SNX29: variants seen among roughly 807,000 people sequenced by gnomAD.
The protein encoded by SNX29 is sorting nexin 29.
In SNX29, 78 loss-of-function variants were observed where a neutral mutation model predicts 102.1. The observed-to-expected ratio is 0.76, with a 90% CI of 0.64 to 0.92. The LOEUF (loss-of-function observed/expected upper bound fraction) is 0.92, where lower values mean the gene tolerates loss of function less well. SNX29 is among the 40% of genes least tolerant of loss of function. The pLI is 0.00. For missense variants in SNX29, 1,280 were observed against 1,061.7 expected, an observed-to-expected ratio of 1.21 and a Z score of -2.86; for synonymous variants, 580 against 414.5, an observed-to-expected ratio of 1.40 and a Z score of -4.85.
At chr16:12,297,233 G>C (rs908435345) in intron 15 of SNX29, 1 of 152,540 alleles carries the variant, frequency 6.6e-6, no homozygotes, top group Admixed American at 6.5e-5. Flanking sequence ...CACACACGGG[G>C]CAGTGTGCGG....
intron 19 of SNX29, among the ~76,000 whole-genome samples, chr16:12,507,796 A>G (rs1434845421): frequency 6.6e-6 from 1 of 152,132 alleles, no homozygotes; most frequent in Non-Finnish European, 1.5e-5. Context: ...CCCCTTATCC[A>G]TGTGGTTTGC....
At chr16:12,535,230 C>G (rs375980283) in intron 20 of SNX29, among the ~76,000 whole-genome samples, 1 of 152,194 alleles carries the variant, frequency 6.6e-6, no homozygotes, top group Non-Finnish European at 1.5e-5. Context: ...CCTCTGCCTC[C>G]TGGGCTCAAG....
At chr16:12,110,758 C>T (rs1448132281) in intron 11 of SNX29, among the ~76,000 whole-genome samples, 2 of 152,158 alleles carry the variant, frequency 1.3e-5, no homozygotes, top group African/African-American at 4.8e-5. Flanking sequence ...GACCTGAGCC[C>T]TTTTAAGACA....
chr16:12,014,345 G>T (rs375014108), intron 3 of SNX29, among the ~76,000 whole-genome samples: 1 of 151,952 alleles, frequency 6.6e-6, no homozygotes, highest in East Asian at 1.9e-4. Flanking sequence ...TTCCTCATCC[G>T]CCAAGAGTAT....
At chr16:12,130,521 G>T (rs573786843) in intron 13 of SNX29, among the ~76,000 whole-genome samples, 1 of 144,514 alleles carries the variant, frequency 6.9e-6, no homozygotes, top group Admixed American at 6.9e-5. Context: ...AGCAAAAAAA[G>T]TGTGTATTTT....
In SNX29 at chr16:12,569,439, G is replaced by C. The variant is rs1170264990; in HGVS notation, c.*810G>C. 8.7e-6 allele frequency: 2 copies of C among 230,884 alleles called. No homozygotes were observed. The highest frequency in any genetic ancestry group is 4.4e-5 in the African/African-American group (2 of 45,214). 14.3% of individuals were successfully genotyped at this position (230,884 alleles called of 1,614,324 possible). ...GGCGTCATCCAGCGTGTCCAAAGTA[G>C]CATTGGCCCTACAGTCATGAGAGAC... On this transcript the variant is annotated 3_prime_UTR_variant, in exon 21 of 21. Coordinates refer to ENST00000566228, the MANE Select transcript of SNX29 (RefSeq NM_032167.5).
chr16:12,540,132 C>G lies in SNX29; in HGVS notation c.2318+15291C>G, dbSNP rs1428939740. On this transcript the variant is annotated intron_variant, in intron 20 of 20. Coordinates refer to ENST00000566228, the MANE Select transcript of SNX29 (RefSeq NM_032167.5). ...TAAAGATTTTCTCCTAGGTTTTCCT[C>G]AAAGTTTTATAGCTTTACATTTTAG... is the stretch of plus-strand genomic sequence containing the variant. Among the ~76,000 whole-genome samples the G allele has an allele frequency of 2.6e-5, 4 of 152,136 alleles. No individual in the cohort carries two copies. The East Asian group carries it at 7.7e-4, about 29-fold the overall frequency.
intron 1 of SNX29, among the ~76,000 whole-genome samples, chr16:11,987,403 CTT>C (rs34572926): frequency 0.02 from 2,106 of 107,242 alleles, 57 homozygotes; most frequent in African/African-American, 0.065. Flanking sequence ...GACTTTTACT[CTT>C]TTTTTTTTTT....
intron 20 of SNX29, among the ~76,000 whole-genome samples, chr16:12,563,380 TTACCCGTAACCATGAAAATAGA>T: frequency 6.6e-6 from 1 of 152,356 alleles, no homozygotes. Flanking sequence ...CGTTGATATT[TTACCCGTAACCATGAAAATAGA>T]TGGCGACTGG....
intron 3 of SNX29, among the ~76,000 whole-genome samples, chr16:12,008,013 G>A (rs2056515544): frequency 6.6e-6 from 1 of 151,828 alleles, no homozygotes; most frequent in Non-Finnish European, 1.5e-5. Flanking sequence ...GCGCTATCTC[G>A]GCTCCCTGCA....
At chr16:12,519,532 A>G in intron 19 of SNX29, among the ~76,000 whole-genome samples, 1 of 152,220 alleles carries the variant, frequency 6.6e-6, no homozygotes, top group East Asian at 1.9e-4. Context: ...TTTTTCAGAA[A>G]TACACACTGA....
chr16:12,263,692 T>TAC (rs2078845348), intron 14 of SNX29, among the ~76,000 whole-genome samples: 1 of 152,250 alleles, frequency 6.6e-6, no homozygotes, highest in Non-Finnish European at 1.5e-5. Flanking sequence ...TAAAGCCATG[T>TAC]TAAATGTACC....
chr16:12,460,991 C>T lies in SNX29; in HGVS notation c.2038-16728C>T, dbSNP rs2086755427. 5.3e-5 allele frequency among the ~76,000 whole-genome samples: 8 copies of T among 152,246 alleles called. No individual in the cohort carries two copies. In the Middle Eastern group the frequency reaches 0.014, roughly 259 times the overall value. On this transcript the variant is annotated intron_variant, in intron 18 of 20. Coordinates refer to ENST00000566228, the MANE Select transcript of SNX29 (RefSeq NM_032167.5). ...GCACATTGCTTTTGCTAATAATAGC[C>T]GACTTTTGTTAAATATTTAAATGTT...
intron 15 of SNX29, among the ~76,000 whole-genome samples, chr16:12,332,675 C>G (rs993818673): frequency 6.6e-6 from 1 of 152,100 alleles, no homozygotes; most frequent in Non-Finnish European, 1.5e-5. Flanking sequence ...CACCTGCATC[C>G]CAGCCCCTGG....
intron 20 of SNX29, among the ~76,000 whole-genome samples, chr16:12,541,712 A>T (rs895791411): frequency 6.6e-6 from 1 of 151,964 alleles, no homozygotes; most frequent in Non-Finnish European, 1.5e-5. Flanking sequence ...TGGGTTCCTG[A>T]TTCCTGTCAC....
chr16:12,247,417 G>A (rs1388624974), intron 14 of SNX29, among the ~76,000 whole-genome samples: 1 of 152,082 alleles, frequency 6.6e-6, no homozygotes, highest in Non-Finnish European at 1.5e-5. Flanking sequence ...ATCTCCTCCT[G>A]TTTTTCCCTC....
chr16:12,458,965 C>T (rs756567051), intron 18 of SNX29, among the ~76,000 whole-genome samples: 9 of 152,128 alleles, frequency 5.9e-5, no homozygotes, highest in Non-Finnish European at 1.2e-4. Context: ...ATAAGTAAAA[C>T]ATTCTGTTGT....
At chr16:12,419,785 C>T (rs996828720) in intron 18 of SNX29, among the ~76,000 whole-genome samples, 7 of 152,250 alleles carry the variant, frequency 4.6e-5, no homozygotes, top group Non-Finnish European at 8.8e-5. Context: ...CACGTGTCTG[C>T]TGACCCCAGT....
chr16:12,316,175 T>C (rs557144505), intron 15 of SNX29, among the ~76,000 whole-genome samples: 1 of 152,108 alleles, frequency 6.6e-6, no homozygotes, highest in South Asian at 2.1e-4. Flanking sequence ...GCTTGGCAGA[T>C]TGGAGGGACT....
Sources: gnomAD v4.1 joint callset for allele counts (sites outside exome capture counted in the v4.1 genomes callset) on GRCh38, gnomAD v4.1.1 for gene constraint, MANE v1.5 for transcripts, NCBI Gene and HGNC (gene_info 2026-07-23, HGNC 2026-07-21) for gene names.